The following BACH2 variants were observed in gnomAD, a reference collection of about 807,000 sequenced individuals.
BACH2 encodes the protein BACH transcriptional regulator 2, also known as transcription regulator protein BACH2.
In BACH2, 5 loss-of-function variants were observed where a neutral mutation model predicts 61.8. The observed-to-expected ratio is 0.08, with a 90% CI of 0.04 to 0.17. The LOEUF (loss-of-function observed/expected upper bound fraction) is 0.17, where lower values mean the gene tolerates loss of function less well. BACH2 is among the 10% of genes least tolerant of loss of function. BACH2 has a pLI of 1.00. For synonymous variants in BACH2, 446 were observed against 440.1 expected, an observed-to-expected ratio of 1.01 and a Z score of -0.17; for missense variants, 824 against 1,091.1, an observed-to-expected ratio of 0.76 and a Z score of 3.45.
chr6:89,991,948 G>A (rs917588074), intron 6 of BACH2, among the ~76,000 whole-genome samples: 3 of 151,868 alleles, frequency 2.0e-5, no homozygotes, highest in East Asian at 1.9e-4. Context: ...TTTAATATAC[G>A]GTGAGTTCAT....
At chr6:89,944,065 T>C (rs1773592126) in intron 7 of BACH2, among the ~76,000 whole-genome samples, 1 of 152,248 alleles carries the variant, frequency 6.6e-6, no homozygotes, top group African/African-American at 2.4e-5. Context: ...CGCGCAATTG[T>C]CCTTCCACGC....
intron 5 of BACH2, among the ~76,000 whole-genome samples, chr6:90,039,424 G>A (rs542666579): frequency 1.6e-4 from 25 of 151,898 alleles, no homozygotes; most frequent in African/African-American, 5.3e-4. Context: ...TCACTGTGTC[G>A]CCCAGGCTGG....
chr6:90,254,454 A>G (rs983857496), intron 2 of BACH2, among the ~76,000 whole-genome samples: 1 of 152,092 alleles, frequency 6.6e-6, no homozygotes, highest in Non-Finnish European at 1.5e-5. Context: ...TAAATCCTGG[A>G]TCATATAATG....
chr6:90,290,178 A>G (rs1467844162), intron 1 of BACH2, among the ~76,000 whole-genome samples: 1 of 152,236 alleles, frequency 6.6e-6, no homozygotes, highest in Non-Finnish European at 1.5e-5. Flanking sequence ...GAAAAAGTGA[A>G]TCTCAAGTTT....
At chr6:90,232,048 A>T (rs1220635445) in intron 3 of BACH2, among the ~76,000 whole-genome samples, 2 of 152,224 alleles carry the variant, frequency 1.3e-5, no homozygotes, top group East Asian at 3.8e-4. Flanking sequence ...TTAAGGACAC[A>T]ATTATACAAG....
intron 5 of BACH2, among the ~76,000 whole-genome samples, chr6:90,076,922 G>A (rs954199161): frequency 1.6e-4 from 24 of 152,092 alleles, no homozygotes; most frequent in Admixed American, 5.2e-4. Flanking sequence ...CCCGTTTTCC[G>A]GAGGATTCAT....
At chr6:90,227,101 T>G (rs1489925850) in intron 3 of BACH2, among the ~76,000 whole-genome samples, 1 of 152,238 alleles carries the variant, frequency 6.6e-6, no homozygotes, top group African/African-American at 2.4e-5. Flanking sequence ...TGATTTGCCA[T>G]TAAGAAACTT....
At chr6:89,952,136 T>C (rs1774167147) in intron 6 of BACH2, 2 of 466,488 alleles carry the variant, frequency 4.3e-6, no homozygotes, top group Non-Finnish European at 7.7e-6. Context: ...GGTTCAGTGT[T>C]TACACTAATG....
chr6:90,000,704 G>C (rs74687817), intron 6 of BACH2, among the ~76,000 whole-genome samples: 3,719 of 152,248 alleles, frequency 0.024, 68 homozygotes, highest in Non-Finnish European at 0.039. Context: ...AACACCTTCT[G>C]ACATGGTTAA....
intron 4 of BACH2, among the ~76,000 whole-genome samples, chr6:90,153,833 C>T (rs910702695): frequency 6.6e-6 from 1 of 152,138 alleles, no homozygotes; most frequent in Non-Finnish European, 1.5e-5. Context: ...GTACATTTTC[C>T]TCCTTGAGGT....
rs77534533 is a variant in BACH2 at position 90,170,112 on chromosome 6, A to G, written c.-162+36457T>C. Reference sequence around the variant, plus strand: ...AATTTAGAAACTTCTACAAATGTATACATCAATTGCAACTTAACCTTTACA... The same window carrying G: ...AATTTAGAAACTTCTACAAATGTATGCATCAATTGCAACTTAACCTTTACA... On this transcript the variant is annotated intron_variant, in intron 4 of 8. Coordinates refer to ENST00000257749, the MANE Select transcript of BACH2 (RefSeq NM_021813.4). Among the ~76,000 whole-genome samples, 1,061 of 152,296 alleles carry G rather than the reference A, an allele frequency of 7.0e-3. 16 individuals are homozygous for G. Among genetic ancestry groups the G allele is most frequent in the African/African-American group, 0.024 (1,008 of 41,558 alleles).
At chr6:89,981,432 C>T (rs1395152242) in intron 6 of BACH2, among the ~76,000 whole-genome samples, 7 of 152,020 alleles carry the variant, frequency 4.6e-5, no homozygotes, top group East Asian at 1.9e-4. Flanking sequence ...TGAGCCACCG[C>T]GCCTGGCCGA....
intron 3 of BACH2, among the ~76,000 whole-genome samples, chr6:90,242,154 G>GCACCAAC (rs2127865537): frequency 6.6e-6 from 1 of 152,224 alleles, no homozygotes; most frequent in East Asian, 1.9e-4. Flanking sequence ...TTACACAGTT[G>GCACCAAC]TATGGGTTTT....
intron 7 of BACH2, among the ~76,000 whole-genome samples, chr6:89,944,680 TTC>T (rs150534305): frequency 9.9e-5 from 15 of 150,826 alleles, no homozygotes; most frequent in African/African-American, 3.2e-4. Context: ...CTCTCTTCCC[TTC>T]TCTCTCTCTC....
intron 5 of BACH2, among the ~76,000 whole-genome samples, chr6:90,016,552 C>T (rs1778073991): frequency 6.6e-6 from 1 of 152,120 alleles, no homozygotes; most frequent in South Asian, 2.1e-4. Context: ...GTGTAAAGCA[C>T]AGTAGTATGC....
chr6:90,286,565 A>G (rs1772023130), intron 1 of BACH2, among the ~76,000 whole-genome samples: 1 of 152,230 alleles, frequency 6.6e-6, no homozygotes, highest in African/African-American at 2.4e-5. Flanking sequence ...TGATACTACA[A>G]TGATAGTTCC....
intron 3 of BACH2, among the ~76,000 whole-genome samples, chr6:90,224,786 GAAC>G (rs1317230921): frequency 6.6e-6 from 1 of 152,182 alleles, no homozygotes; most frequent in Non-Finnish European, 1.5e-5. Flanking sequence ...GTAAATGGAA[GAAC>G]AACAATTTGG....
intron 5 of BACH2, among the ~76,000 whole-genome samples, chr6:90,061,326 T>C (rs1275891155): frequency 1.3e-5 from 2 of 152,270 alleles, no homozygotes; most frequent in East Asian, 3.9e-4. Flanking sequence ...GAAGGTGAGG[T>C]ACAGGATCCC....
intron 4 of BACH2, among the ~76,000 whole-genome samples, chr6:90,199,507 T>G (rs576381647): frequency 1.3e-5 from 2 of 152,214 alleles, no homozygotes; most frequent in East Asian, 3.8e-4. Flanking sequence ...CTCTCTTTCA[T>G]GCCAAATCGA....
Sources: gnomAD v4.1 joint callset for allele counts (sites outside exome capture counted in the v4.1 genomes callset) on GRCh38, gnomAD v4.1.1 for gene constraint, MANE v1.5 for transcripts, NCBI Gene and HGNC (gene_info 2026-07-23, HGNC 2026-07-21) for gene names.